Variants in TRPM3 observed in about 807,000 individuals in gnomAD.
The protein encoded by TRPM3 is transient receptor potential cation channel subfamily M member 3, also known as long transient receptor potential channel 3.
A neutral mutation model predicts 181.2 loss-of-function variants in TRPM3; 77 were observed. The observed-to-expected ratio is 0.42, with a 90% CI of 0.35 to 0.51. TRPM3 has a LOEUF of 0.51. Ranked by LOEUF, TRPM3 falls within the 20% of genes least tolerant of loss-of-function variation. The pLI, the probability that TRPM3 is intolerant of heterozygous loss-of-function variation, is 0.01. For synonymous variants in TRPM3, 745 were observed against 796.4 expected (o/e 0.94, Z 1.09); for missense variants, 1,759 against 2,196.7 (o/e 0.80, Z 3.98).
chr9:71,055,344 T>G (rs937697093), intron 1 of TRPM3, among the ~76,000 whole-genome samples: 1 of 152,174 alleles, frequency 6.6e-6, no homozygotes, highest in Non-Finnish European at 1.5e-5. Context: ...TGTCTGAAGA[T>G]AATTAGACAT....
chr9:71,361,570 G>C (rs188656845), intron 1 of TRPM3, among the ~76,000 whole-genome samples: 1 of 152,188 alleles, frequency 6.6e-6, no homozygotes. Flanking sequence ...GGTATGTCAA[G>C]CTGGCTGGAG....
At chr9:71,078,240 T>C (rs928336718) in intron 1 of TRPM3, among the ~76,000 whole-genome samples, 6 of 152,142 alleles carry the variant, frequency 3.9e-5, no homozygotes, top group Non-Finnish European at 5.9e-5. Flanking sequence ...TATACAGATA[T>C]GCTAAAAAAT....
At position 71,132,639 on chromosome 9, in the gene TRPM3, T is replaced by C. The variant is rs564118355; in HGVS notation, c.184-268128A>G. ...ACATTAGGAAAATGTATTGTCTTCC[T>C]TGACAATAAAAGAATTATGTCAAAA... On this transcript the variant is annotated intron_variant, in intron 1 of 24. Transcript: ENST00000357533. Among the ~76,000 whole-genome samples the C allele has an allele frequency of 2.0e-3, 312 of 152,248 alleles. 1 individual carries two copies. The highest frequency in any genetic ancestry group is 7.1e-3 in the African/African-American group (294 of 41,562).
At chr9:71,026,655 C>T (rs2056555509) in intron 1 of TRPM3, among the ~76,000 whole-genome samples, 1 of 152,086 alleles carries the variant, frequency 6.6e-6, no homozygotes, top group African/African-American at 2.4e-5. Flanking sequence ...CACTGGTGGG[C>T]TCGAAGCCCA....
At chr9:70,668,672 G>GAAAAAAAAAAAAAAAAAA (rs57929544) in intron 9 of TRPM3, among the ~76,000 whole-genome samples, 2 of 86,512 alleles carry the variant, frequency 2.3e-5, no homozygotes, top group Non-Finnish European at 4.2e-5. Flanking sequence ...CTCAAAAAAA[G>GAAAAAAAAAAAAAAAAAA]AAAAAAAAAA....
intron 1 of TRPM3, among the ~76,000 whole-genome samples, chr9:71,409,288 G>T (rs777855154): frequency 2.0e-5 from 3 of 152,120 alleles, no homozygotes; most frequent in Non-Finnish European, 4.4e-5. Flanking sequence ...TGGGCTAAAT[G>T]CCTCAATTAA....
intron 3 of TRPM3, among the ~76,000 whole-genome samples, chr9:70,847,718 TTGACTCTAGGTGGA>T (rs2095038093): frequency 6.6e-6 from 1 of 152,146 alleles, no homozygotes; most frequent in African/African-American, 2.4e-5. Flanking sequence ...TACCTCAACC[TTGACTCTAGGTGGA>T]TGAGGAAAAA....
intron 25 of TRPM3, among the ~76,000 whole-genome samples, chr9:70,544,740 G>T (rs1178832034): frequency 4.0e-5 from 6 of 151,670 alleles, no homozygotes; most frequent in African/African-American, 1.2e-4. Flanking sequence ...CTGAAATAAT[G>T]ATCTAAAGGG....
chr9:71,097,222 ACT>A (rs771644455), intron 1 of TRPM3, among the ~76,000 whole-genome samples: 8 of 152,040 alleles, frequency 5.3e-5, no homozygotes, highest in Non-Finnish European at 1.2e-4. Flanking sequence ...ATGGTTTGTA[ACT>A]CTGTCTTGTA....
In TRPM3 at chr9:70,536,971, C is replaced by A; in HGVS notation, c.4142G>T (p.Ser1381Ile). The change falls in exon 26 of 26, where the codon AGT (serine) becomes ATT (isoleucine). Residue 1381 changes from serine to isoleucine, a missense_variant. Around this residue, in one of 8 missense-constraint regions of TRPM3, gnomAD observed 612 missense variants for 590.0 expected, o/e 1.04. Coordinates refer to ENST00000677713, the MANE Select transcript of TRPM3 (RefSeq NM_001366145.2). Reference sequence around the variant, plus strand: ...GGGTTCTTTTGCTACAGAGTGGGAACTAGTAGCCCGGTGTAGGCTCAGGGA... The same window carrying A: ...GGGTTCTTTTGCTACAGAGTGGGAAATAGTAGCCCGGTGTAGGCTCAGGGA... The part of the protein sequence containing the change: ...ERSLSLHRAT[S>I]SHSVAKEPKA... 2 of 1,613,652 alleles carry A rather than the reference C, an allele frequency of 1.2e-6. No homozygotes were observed. Among genetic ancestry groups the A allele is most frequent in the East Asian group, 2.2e-5 (1 of 44,860 alleles).
chr9:70,874,609 A>T (rs2095842714), intron 1 of TRPM3, among the ~76,000 whole-genome samples: 1 of 151,984 alleles, frequency 6.6e-6, no homozygotes, highest in Admixed American at 6.6e-5. Context: ...AGCTTTCACA[A>T]TTCATTCCTT....
At chr9:71,442,543 A>T (rs907783295) in intron 1 of TRPM3, among the ~76,000 whole-genome samples, 8 of 152,220 alleles carry the variant, frequency 5.3e-5, no homozygotes, top group African/African-American at 1.9e-4. Context: ...AAAAATGGCA[A>T]ATATGGTAAA....
chr9:70,842,510 G>A (rs2094743608), intron 5 of TRPM3, among the ~76,000 whole-genome samples: 1 of 152,038 alleles, frequency 6.6e-6, no homozygotes, highest in African/African-American at 2.4e-5. Flanking sequence ...AAATTTTTGT[G>A]GCTCAGATAG....
intron 1 of TRPM3, among the ~76,000 whole-genome samples, chr9:71,428,483 A>T (rs2093907327): frequency 6.6e-6 from 1 of 152,072 alleles, no homozygotes; most frequent in African/African-American, 2.4e-5. Flanking sequence ...GTTTAAAATC[A>T]GTTACATATT....
At chr9:71,182,633 G>C (rs1033392477) in intron 1 of TRPM3, among the ~76,000 whole-genome samples, 2 of 151,820 alleles carry the variant, frequency 1.3e-5, no homozygotes, top group African/African-American at 4.8e-5. Context: ...TAGTATAATG[G>C]CTTACTTATG....
intron 1 of TRPM3, among the ~76,000 whole-genome samples, chr9:71,387,545 T>C (rs1216701530): frequency 6.6e-6 from 1 of 152,200 alleles, no homozygotes; most frequent in Non-Finnish European, 1.5e-5. Flanking sequence ...TGAAAAGGAA[T>C]GTTAATGCCA....
chr9:70,791,368 T>C (rs1264038434), intron 6 of TRPM3, among the ~76,000 whole-genome samples: 3 of 152,248 alleles, frequency 2.0e-5, no homozygotes, highest in East Asian at 3.8e-4. Context: ...TATGGTTCTC[T>C]AGACAGAAAG....
At position 71,185,829 on chromosome 9, in the gene TRPM3, G is replaced by A. The variant is rs573354051; in HGVS notation, c.183+260824C>T. Among the ~76,000 whole-genome samples the A allele has an allele frequency of 3.9e-5, 6 of 152,186 alleles. No homozygotes were observed. The East Asian group carries it at 1.2e-3, about 30-fold the overall frequency. On this transcript the variant is annotated intron_variant, in intron 1 of 24. Coordinates refer to the TRPM3 transcript ENST00000357533. ...CCTTACATAGAATGGACGTGTGCAT[G>A]TGAAAAGAATCATAATCACATATTC...
intron 1 of TRPM3, among the ~76,000 whole-genome samples, chr9:71,127,401 C>T (rs185035882): frequency 2.1e-3 from 312 of 152,004 alleles, no homozygotes; most frequent in African/African-American, 7.0e-3. Context: ...TAATGGAAAG[C>T]TCATGCTTGT....
Sources: gnomAD v4.1 joint callset for allele counts (sites outside exome capture counted in the v4.1 genomes callset) on GRCh38, gnomAD v4.1.1 for gene constraint, gnomAD v4.1.1 regional missense constraint, MANE v1.5 for transcripts, NCBI Gene and HGNC (gene_info 2026-07-23, HGNC 2026-07-21) for gene names.